RBP7: variants seen among roughly 807,000 people sequenced by gnomAD.
The protein encoded by RBP7 is retinol binding protein 7, also known as retinoid-binding protein 7.
A neutral mutation model predicts 16.7 loss-of-function variants in RBP7; 13 were observed. The ratio of observed to expected loss-of-function variants is 0.78; its 90% CI spans 0.51 to 1.24. The LOEUF (loss-of-function observed/expected upper bound fraction) is 1.24, where lower values mean the gene tolerates loss of function less well. RBP7 is among the 50% of genes most tolerant of loss of function. The probability of loss-of-function intolerance (pLI) is 0.00; values close to 1 mark genes in which losing one functional copy is unlikely to be tolerated. For missense variants in RBP7, 145 were observed against 159.5 expected (o/e 0.91, Z 0.49); for synonymous variants, 54 against 56.2 (o/e 0.96, Z 0.17).
At chr1:9,999,959 G>C (rs562387625) in intron 1 of RBP7, among the ~76,000 whole-genome samples, 2 of 152,058 alleles carry the variant, frequency 1.3e-5, no homozygotes, top group African/African-American at 4.8e-5. Flanking sequence ...TCTGGGTGCA[G>C]TGGCTCACAC....
At chr1:10,006,059 G>A (rs952998283) in intron 1 of RBP7, among the ~76,000 whole-genome samples, 3 of 152,086 alleles carry the variant, frequency 2.0e-5, no homozygotes, top group Admixed American at 6.6e-5. Flanking sequence ...TCAGCTCCCC[G>A]CTGAGACGTC....
rs187296114 is a variant in RBP7, at chr1:10,013,158, C to T, written c.355-2624C>T. Among the ~76,000 whole-genome samples, 13 of 150,930 alleles carry T rather than the reference C, an allele frequency of 8.6e-5. No individual in the cohort carries two copies. The East Asian group carries it at 2.2e-3, about 26-fold the overall frequency. The stretch of plus-strand genomic sequence containing the variant: ...CTTGATCTCAGCTCACTGTAACCTC[C>T]TCCTCCTGGGTTCAAGTGATTCTCC... On this transcript the variant is annotated intron_variant, in intron 3 of 3. Coordinates refer to ENST00000294435, the MANE Select transcript of RBP7 (RefSeq NM_052960.3).
intron 1 of RBP7, among the ~76,000 whole-genome samples, chr1:10,005,523 G>T (rs1334419741): frequency 1.3e-5 from 2 of 151,688 alleles, no homozygotes; most frequent in East Asian, 1.9e-4. Context: ...TTCTTAGGAT[G>T]AGGACATTTA....
intron 1 of RBP7, among the ~76,000 whole-genome samples, chr1:10,002,805 A>T (rs1002589940): frequency 2.8e-4 from 43 of 152,158 alleles, no homozygotes; most frequent in African/African-American, 1.0e-3. Flanking sequence ...GACCTGGCCC[A>T]GAACTTATGC....
chr1:10,007,935 A>C (rs866491155), intron 2 of RBP7, among the ~76,000 whole-genome samples, 187 bp downstream of exon 2: 23 of 151,938 alleles, frequency 1.5e-4, no homozygotes, highest in African/African-American at 5.6e-4. Flanking sequence ...CTGTAATCCC[A>C]GCTACTTAGG....
rs1642758258 is a variant in RBP7, at chr1:10,015,765, TC to T, written c.355-15del. 1 of 1,612,542 alleles carries T rather than the reference TC, an allele frequency of 6.2e-7. No individual in the cohort carries two copies. Among genetic ancestry groups the T allele is most frequent in the African/African-American group, 1.3e-5 (1 of 74,902 alleles). Reference sequence around the variant, plus strand: ...TGCAAACTGATCCTTCTTTTTCCCTTCCTCCTTACGCCCTAGGAAATGTTCT... The same window carrying T: ...TGCAAACTGATCCTTCTTTTTCCCTTCTCCTTACGCCCTAGGAAATGTTCT... On this transcript the variant is annotated splice_polypyrimidine_tract_variant and intron_variant, in intron 3 of 3. Transcript: ENST00000294435.
chr1:10,000,791 A>G (rs1364729331), intron 1 of RBP7, among the ~76,000 whole-genome samples: 1 of 151,924 alleles, frequency 6.6e-6, no homozygotes, highest in Non-Finnish European at 1.5e-5. Context: ...GCTAGAGTGC[A>G]GTGGTGCGAT....
Position 10,008,233 on chromosome 1 carries a change from A to C in RBP7, c.313A>C (p.Arg105=). 6.2e-7 allele frequency: 1 copy of C among 1,613,314 alleles called. No individual in the cohort carries two copies. Among genetic ancestry groups the C allele is most frequent in the Non-Finnish European group, 8.5e-7 (1 of 1,179,496 alleles). Residue 105 remains arginine, a synonymous_variant, in exon 3 of 4, where the codon AGA becomes CGA. Coordinates refer to ENST00000294435, the MANE Select transcript of RBP7 (RefSeq NM_052960.3). The part of the protein sequence containing the change: ...TCIQKGEKKN[R]GWTHWIEGDK... ...TATCCAGAAGGGAGAAAAGAAGAAC[A>C]GAGGCTGGACCCATTGGATCGAAGG...
rs112770895 is a variant in RBP7 at position 9,997,364 on chromosome 1, G to C, written c.73+33G>C. The C allele has an allele frequency of 0.024, 39,139 of 1,599,556 alleles. 576 individuals are homozygous for C. The highest frequency in any genetic ancestry group is 0.035 in the African/African-American group (2,595 of 74,010). On this transcript the variant is annotated intron_variant, in intron 1 of 3. Coordinates refer to ENST00000294435, the MANE Select transcript of RBP7 (RefSeq NM_052960.3). The surrounding 1 kb of genome is among the most constrained non-coding windows in gnomAD (Gnocchi z 5.9). Reference sequence around the variant, plus strand: ...GGAGGGGAGGCGGCGGCGGCGCGAGGCTCGCCGTGGGTCTCGGGATCAGGC... The same window carrying C: ...GGAGGGGAGGCGGCGGCGGCGCGAGCCTCGCCGTGGGTCTCGGGATCAGGC...
rs546590606 is a variant in RBP7, at chr1:10,015,532, C to T, written c.355-250C>T. Among the ~76,000 whole-genome samples, 127 of 151,250 alleles carry T rather than the reference C, an allele frequency of 8.4e-4. 1 individual carries two copies. The South Asian group carries it at 0.023, about 28-fold the overall frequency. On this transcript the variant is annotated intron_variant, in intron 3 of 3. Coordinates refer to ENST00000294435, the MANE Select transcript of RBP7 (RefSeq NM_052960.3). Reference sequence around the variant, plus strand: ...CAAAAATTAGCCGGGCATGATGGCACGTGCCTGCAGTGTCCCAGCTACTTT... The same window carrying T: ...CAAAAATTAGCCGGGCATGATGGCATGTGCCTGCAGTGTCCCAGCTACTTT...
At chr1:10,006,792 C>T (rs1450453849) in intron 1 of RBP7, among the ~76,000 whole-genome samples, 1 of 144,436 alleles carries the variant, frequency 6.9e-6, no homozygotes, top group Non-Finnish European at 1.5e-5. Flanking sequence ...GAGGTATATA[C>T]ATGAATCCAG....
chr1:10,006,459 A>G (rs1311006599), intron 1 of RBP7, among the ~76,000 whole-genome samples: 7 of 152,136 alleles, frequency 4.6e-5, no homozygotes, highest in Admixed American at 4.6e-4. Context: ...ACAGTGAGCC[A>G]TGATTGCACC....
intron 1 of RBP7, among the ~76,000 whole-genome samples, chr1:9,998,310 T>C (rs867366269): frequency 6.6e-6 from 1 of 151,984 alleles, no homozygotes; most frequent in Non-Finnish European, 1.5e-5. Flanking sequence ...GTTTTTCTTG[T>C]AGCTTTAGGA....
At chr1:9,998,047 C>A (rs1040987044) in intron 1 of RBP7, among the ~76,000 whole-genome samples, 12 of 152,180 alleles carry the variant, frequency 7.9e-5, no homozygotes, top group African/African-American at 2.9e-4. Flanking sequence ...GCCAACGGTG[C>A]GCGGACTCTC....
At chr1:10,011,008 C>T (rs761128171) in intron 3 of RBP7, among the ~76,000 whole-genome samples, 1 of 152,160 alleles carries the variant, frequency 6.6e-6, no homozygotes, top group East Asian at 1.9e-4. Context: ...GGATTACAAG[C>T]GTGAGCCACC....
At chr1:10,006,978 G>A (rs533729516) in intron 1 of RBP7, 14 of 432,926 alleles carry the variant, frequency 3.2e-5, no homozygotes, top group African/African-American at 1.3e-4. Context: ...ATGGAGTCTC[G>A]CTCTGTTGCT....
intron 3 of RBP7, among the ~76,000 whole-genome samples, chr1:10,012,692 G>A (rs1642660361): frequency 1.3e-5 from 2 of 151,686 alleles, no homozygotes; most frequent in Non-Finnish European, 2.9e-5. Flanking sequence ...CAGCACTTTT[G>A]AGAGGCCGAG....
intron 3 of RBP7, among the ~76,000 whole-genome samples, chr1:10,008,726 A>G (rs1246667463): frequency 1.3e-5 from 2 of 151,488 alleles, no homozygotes; most frequent in Non-Finnish European, 2.9e-5. Context: ...GGCATGAGCC[A>G]CCACCACACC....
At chr1:10,013,657 A>C (rs1642691605) in intron 3 of RBP7, among the ~76,000 whole-genome samples, 1 of 151,960 alleles carries the variant, frequency 6.6e-6, no homozygotes, top group Non-Finnish European at 1.5e-5. Flanking sequence ...AAAAAATACA[A>C]AAATTAGCCG....
Sources: allele counts gnomAD v4.1 joint callset (sites outside exome capture counted in the v4.1 genomes callset), GRCh38; gene constraint gnomAD v4.1.1; non-coding constraint Gnocchi (gnomAD v3.1); transcripts MANE v1.5; gene names NCBI Gene and HGNC (gene_info 2026-07-23, HGNC 2026-07-21).